The following PLA1A variants were observed in gnomAD, a reference collection of about 807,000 sequenced individuals.
PLA1A encodes phospholipase A1 member A.
PLA1A carries 47 observed loss-of-function variants against 49.4 expected under a neutral mutation model. That is an observed-to-expected ratio of 0.95 (90% CI 0.75 to 1.21). PLA1A has a LOEUF of 1.21. Ranked by LOEUF, PLA1A falls within the 50% of genes most tolerant of loss-of-function variation. The pLI, the probability that PLA1A is intolerant of heterozygous loss-of-function variation, is 0.00. For missense variants in PLA1A, 561 were observed against 563.9 expected (o/e 0.99, Z 0.05); for synonymous variants, 224 against 207.9 (o/e 1.08, Z -0.67).
At chr3:119,629,097 A>T (rs1471343557) in intron 10 of PLA1A, among the ~76,000 whole-genome samples, 1 of 152,190 alleles carries the variant, frequency 6.6e-6, no homozygotes, top group Non-Finnish European at 1.5e-5. Flanking sequence ...TTTTATTAGA[A>T]CAAAGTTTTC....
chr3:119,613,164 A>G (rs1005496066), intron 5 of PLA1A, 46 bp downstream of exon 5: 1 of 1,292,796 alleles, frequency 7.7e-7, no homozygotes, highest in East Asian at 2.4e-5. Flanking sequence ...AGCTCAAGGC[A>G]GCGCCTAGGA....
intron 1 of PLA1A, chr3:119,600,277 AC>A: frequency 3.0e-6 from 2 of 656,900 alleles, no homozygotes; most frequent in Non-Finnish European, 5.5e-6. Flanking sequence ...CCCCAGTCAC[AC>A]CTAGTTTTTC....
At chr3:119,623,861 G>T (rs999638657) in intron 8 of PLA1A, among the ~76,000 whole-genome samples, 1 of 151,410 alleles carries the variant, frequency 6.6e-6, no homozygotes, top group Non-Finnish European at 1.5e-5. Flanking sequence ...AGTAGCTGGG[G>T]TTACAGGTGC....
Position 119,628,992 on chromosome 3 carries a change from C to T in PLA1A, c.1286+127C>T, listed in dbSNP as rs556034507. 818 of 811,098 alleles carry T rather than the reference C, an allele frequency of 1.0e-3. 8 individuals carry two copies. The South Asian group carries it at 0.013, about 13-fold the overall frequency. The allele number at this position is 811,098 out of a possible 1,614,324, so 50.2% of individuals were successfully genotyped here. A position where few individuals can be genotyped will look rare whatever the true frequency, so the allele number is the denominator to read the frequency against. ...ATTATCATCTTAGAAGCAGAGATGA[C>T]AGACACCCGGTGTTTTCCAGAACCT... On this transcript the variant is annotated intron_variant, in intron 10 of 10. Transcript: ENST00000273371.
intron 6 of PLA1A, 145 bp downstream of exon 6, chr3:119,616,246 T>A (rs1287684016): frequency 1.5e-6 from 1 of 659,954 alleles, no homozygotes; most frequent in Admixed American, 2.2e-5. Context: ...TTACTCAGAA[T>A]GTATTCAAGG....
intron 1 of PLA1A, among the ~76,000 whole-genome samples, chr3:119,606,260 C>A (rs2082686846): frequency 6.6e-6 from 1 of 152,236 alleles, no homozygotes; most frequent in Non-Finnish European, 1.5e-5. Flanking sequence ...TGTTCCAGGA[C>A]ACTGTCCTTG....
intron 8 of PLA1A, among the ~76,000 whole-genome samples, chr3:119,621,291 G>T (rs1482414980): frequency 2.0e-5 from 3 of 152,202 alleles, no homozygotes; most frequent in Admixed American, 2.0e-4. Context: ...TGTATTTATT[G>T]TGAGACCACC....
chr3:119,618,083 T>C lies in PLA1A; in HGVS notation c.819T>C (p.Asn273=), dbSNP rs750766764. Residue 273 remains asparagine (N), a synonymous_variant, in exon 7 of 11, where the codon AAT becomes AAC. Coordinates refer to ENST00000273371, the MANE Select transcript of PLA1A (RefSeq NM_015900.4). ...AVHLYISALE[N]SCPLMAFPCA... ...ACCTCTACATCAGCGCCCTGGAGAA[T>C]TCCTGTCCACTGATGGCCTTTCCCT... The C allele has an allele frequency of 6.2e-6, 10 of 1,613,840 alleles. No individual in the cohort carries two copies. The South Asian group carries it at 9.9e-5, about 16-fold the overall frequency.
chr3:119,620,705 T>C (rs1424736400), intron 8 of PLA1A, among the ~76,000 whole-genome samples: 1 of 152,254 alleles, frequency 6.6e-6, no homozygotes, highest in Non-Finnish European at 1.5e-5. Flanking sequence ...TCAGAGAATT[T>C]GGGAGAAGAA....
At chr3:119,615,939 G>C in intron 5 of PLA1A, 73 bp from the exon 6 acceptor site, 1 of 917,084 alleles carries the variant, frequency 1.1e-6, no homozygotes, top group Non-Finnish European at 1.8e-6. Flanking sequence ...GGGCTCCCAA[G>C]GTCAGAGTTT....
In PLA1A at chr3:119,606,900, T is replaced by G; in HGVS notation, c.200T>G (p.Val67Gly). 1 of 1,614,012 alleles carries G rather than the reference T, an allele frequency of 6.2e-7. No homozygotes were observed. Among genetic ancestry groups the G allele is most frequent in the Non-Finnish European group, 8.5e-7 (1 of 1,179,892 alleles). Reference protein sequence around the residue: ...VPSNPSCGQLVEGSSDLQNSG... With the variant: ...VPSNPSCGQLGEGSSDLQNSG... Reference sequence around the variant, plus strand: ...TCGAATCCTAGCTGTGGGCAGCTAGTAGAAGGAAGCAGTGACCTCCAAAAC... The same window carrying G: ...TCGAATCCTAGCTGTGGGCAGCTAGGAGAAGGAAGCAGTGACCTCCAAAAC... The change falls in exon 2 of 11, where the codon GTA becomes GGA. Residue 67 changes from valine to glycine, a missense_variant. Coordinates refer to ENST00000273371, the MANE Select transcript of PLA1A (RefSeq NM_015900.4).
At chr3:119,608,258 AAG>A (rs2082718796) in intron 2 of PLA1A, among the ~76,000 whole-genome samples, 1 of 148,474 alleles carries the variant, frequency 6.7e-6, no homozygotes, top group Non-Finnish European at 1.5e-5. Context: ...GAAAGAAAGA[AAG>A]AAAGAAAGAA....
intron 3 of PLA1A, 125 bp downstream of exon 3, chr3:119,609,072 G>A: frequency 1.4e-6 from 1 of 738,840 alleles, no homozygotes; most frequent in Non-Finnish European, 2.2e-6. Context: ...GGTGGTCTTG[G>A]GTTCAAATCT....
At chr3:119,602,326 A>G (rs1235882378) in intron 1 of PLA1A, among the ~76,000 whole-genome samples, 1 of 152,116 alleles carries the variant, frequency 6.6e-6, no homozygotes, top group Non-Finnish European at 1.5e-5. Flanking sequence ...CCTTTATGCT[A>G]TAGTTTTACA....
intron 1 of PLA1A, among the ~76,000 whole-genome samples, chr3:119,606,423 A>G (rs1470630400): frequency 6.6e-6 from 1 of 152,204 alleles, no homozygotes; most frequent in African/African-American, 2.4e-5. Flanking sequence ...ATCTCCAAAT[A>G]CAGTCACATT....
At chr3:119,620,688 T>C (rs1560085941) in intron 8 of PLA1A, among the ~76,000 whole-genome samples, 1 of 152,204 alleles carries the variant, frequency 6.6e-6, no homozygotes, top group Non-Finnish European at 1.5e-5. Flanking sequence ...TTCCTTCCCT[T>C]AGTCAATCAG....
chr3:119,611,536 C>T (rs2082764586), intron 4 of PLA1A, among the ~76,000 whole-genome samples: 1 of 151,564 alleles, frequency 6.6e-6, no homozygotes, highest in South Asian at 2.1e-4. Flanking sequence ...TTTTTTTTAG[C>T]AGGGTTTTAG....
chr3:119,616,031 C>T lies in PLA1A; in HGVS notation c.684C>T (p.Pro228=), dbSNP rs578257378. 8.7e-6 allele frequency: 14 copies of T among 1,612,054 alleles called. No individual in the cohort carries two copies. The East Asian group carries it at 1.1e-4, about 13-fold the overall frequency. ...TDTDNLGIRI[P]VGHVDYFVNG... is the part of the protein sequence containing the mutation. The stretch of plus-strand genomic sequence containing the variant: ...TTTCAGATTTGGGTATTCGGATTCC[C>T]GTTGGACATGTGGACTACTTCGTCA... Residue 228 remains proline, a synonymous_variant, in exon 6 of 11, where the codon CCC becomes CCT. Coordinates refer to ENST00000273371, the MANE Select transcript of PLA1A (RefSeq NM_015900.4).
At chr3:119,601,574 T>C (rs1400469936) in intron 1 of PLA1A, among the ~76,000 whole-genome samples, 3 of 152,234 alleles carry the variant, frequency 2.0e-5, no homozygotes, top group Non-Finnish European at 2.9e-5. Flanking sequence ...GTTCTTTGGT[T>C]GGAGTGGTGG....
Sources: gnomAD v4.1 joint callset for allele counts (sites outside exome capture counted in the v4.1 genomes callset) on GRCh38, gnomAD v4.1.1 for gene constraint, MANE v1.5 for transcripts, NCBI Gene and HGNC (gene_info 2026-07-23, HGNC 2026-07-21) for gene names.